The following C20orf203 variants were observed in gnomAD, a reference collection of about 807,000 sequenced individuals.
C20orf203 encodes chromosome 20 open reading frame 203.
Under a neutral mutation model 15.9 loss-of-function variants are expected in C20orf203, and 16 were observed. The observed-to-expected ratio is 1.01, with a 90% CI of 0.68 to 1.53. C20orf203 has a LOEUF of 1.53. Ranked by LOEUF, C20orf203 falls within the 40% of genes most tolerant of loss-of-function variation. C20orf203 has a pLI of 0.00. For synonymous variants in C20orf203, 98 were observed against 97.2 expected (o/e 1.01, Z -0.05); for missense variants, 263 against 247.5 (o/e 1.06, Z -0.42).
rs563991910 is a variant in C20orf203, at chr20:32,637,447, G to A, written c.*1299+3119C>T. Among the ~76,000 whole-genome samples the A allele has an allele frequency of 8.5e-5, 13 of 152,088 alleles. No homozygotes were observed. In the East Asian group the frequency reaches 1.4e-3, roughly 16 times the overall value. On this transcript the variant is annotated intron_variant, in intron 5 of 5. Transcript: ENST00000608990. ...AAGAAAGAAAGAAAGAAAAAGAAAC[G>A]AATGAGTAGACAACGAAACAGTAAT...
At chr20:32,670,494 A>G (rs1179611422) in intron 1 of C20orf203, among the ~76,000 whole-genome samples, 1 of 151,500 alleles carries the variant, frequency 6.6e-6, no homozygotes, top group East Asian at 2.0e-4. Context: ...GTGACAGAGA[A>G]AGACTCCGTC....
chr20:32,641,809 T>C (rs1354498449), intron 4 of C20orf203, among the ~76,000 whole-genome samples: 2 of 152,088 alleles, frequency 1.3e-5, no homozygotes, highest in Non-Finnish European at 2.9e-5. Context: ...TTTTTAAAAT[T>C]GAGTTATTTG....
chr20:32,669,026 T>C (rs1185727835), intron 1 of C20orf203, among the ~76,000 whole-genome samples: 1 of 152,182 alleles, frequency 6.6e-6, no homozygotes, highest in East Asian at 1.9e-4. Context: ...GAAAAGCTCT[T>C]TCTCAAACAC....
chr20:32,672,039 CG>C (rs1983182457), intron 1 of C20orf203, among the ~76,000 whole-genome samples: 1 of 150,110 alleles, frequency 6.7e-6, no homozygotes, highest in African/African-American at 2.5e-5. Context: ...TAAGAGGAGC[CG>C]GGGCAGTGGC....
At chr20:32,654,980 T>C (rs1413987606) in intron 1 of C20orf203, among the ~76,000 whole-genome samples, 1 of 152,052 alleles carries the variant, frequency 6.6e-6, no homozygotes, top group Admixed American at 6.6e-5. Context: ...GAAATATAAA[T>C]AAGAGTCCTG....
intron 1 of C20orf203, among the ~76,000 whole-genome samples, chr20:32,659,836 G>A (rs750164509): frequency 6.6e-5 from 10 of 152,230 alleles, no homozygotes; most frequent in East Asian, 1.9e-4. Flanking sequence ...CCCCACCTCC[G>A]TGGCTGGCAC....
chr20:32,648,608 T>TGTTTTGG (rs1555816316), intron 4 of C20orf203, among the ~76,000 whole-genome samples: 1 of 77,772 alleles, frequency 1.3e-5, no homozygotes, highest in African/African-American at 5.4e-5. Context: ...ATCTGGCTAA[T>TGTTTTGG]TTTTTTTTTT....
At chr20:32,634,357 C>T (rs1982081430) in intron 5 of C20orf203, 87 bp from the exon 6 acceptor site, 3 of 396,992 alleles carry the variant, frequency 7.6e-6, no homozygotes, top group Non-Finnish European at 1.3e-5. Flanking sequence ...CGGTGGAAGA[C>T]AGCGTGAGAC....
chr20:32,636,899 C>A (rs1336093125), intron 5 of C20orf203, among the ~76,000 whole-genome samples: 1 of 152,188 alleles, frequency 6.6e-6, no homozygotes, highest in East Asian at 1.9e-4. Context: ...CAGGCCTGGG[C>A]AAACCAAGAG....
At chr20:32,666,421 C>G (rs574982040) in intron 1 of C20orf203, among the ~76,000 whole-genome samples, 30 of 148,836 alleles carry the variant, frequency 2.0e-4, no homozygotes, top group African/African-American at 6.5e-4. Flanking sequence ...GAGCCAAGAT[C>G]GTGCCACTGC....
intron 1 of C20orf203, among the ~76,000 whole-genome samples, chr20:32,666,155 T>TAAAAAAAAAAAAAAAAAAAAGA (rs1983016463): frequency 9.7e-6 from 1 of 102,776 alleles, no homozygotes; most frequent in African/African-American, 3.7e-5. Flanking sequence ...ATAAATAAAG[T>TAAAAAAAAAAAAAAAAAAAAGA]AAAAAAAAAA....
chr20:32,638,619 G>T (rs1044116293), intron 5 of C20orf203, among the ~76,000 whole-genome samples: 3 of 152,236 alleles, frequency 2.0e-5, no homozygotes, highest in Non-Finnish European at 2.9e-5. Context: ...GGCAGGAGCT[G>T]TGCTTGAATG....
At chr20:32,671,699 C>T (rs779077626) in intron 1 of C20orf203, among the ~76,000 whole-genome samples, 2 of 151,776 alleles carry the variant, frequency 1.3e-5, no homozygotes, top group African/African-American at 4.8e-5. Flanking sequence ...ATTAGCCGGG[C>T]GTGGTGGCGC....
At chr20:32,636,731 C>G (rs1600924603) in intron 5 of C20orf203, among the ~76,000 whole-genome samples, 1 of 152,296 alleles carries the variant, frequency 6.6e-6, no homozygotes, top group East Asian at 1.9e-4. Context: ...CTTCCATGTC[C>G]CTTGCAAACC....
intron 4 of C20orf203, among the ~76,000 whole-genome samples, chr20:32,645,905 C>A (rs1179689892): frequency 6.6e-6 from 1 of 152,214 alleles, no homozygotes; most frequent in East Asian, 1.9e-4. Context: ...AAGTGTTAGA[C>A]TATTAGTGTG....
At chr20:32,635,450 C>T (rs1397551217) in intron 5 of C20orf203, among the ~76,000 whole-genome samples, 3 of 149,628 alleles carry the variant, frequency 2.0e-5, no homozygotes, top group South Asian at 2.1e-4. Context: ...AGGCCAAGAT[C>T]GCACCACTGC....
intron 5 of C20orf203, among the ~76,000 whole-genome samples, chr20:32,638,837 TC>T: frequency 6.6e-6 from 1 of 151,970 alleles, no homozygotes; most frequent in Non-Finnish European, 1.5e-5. Context: ...GCGGGCAGCA[TC>T]CCCTGTCCCA....
intron 1 of C20orf203, among the ~76,000 whole-genome samples, chr20:32,671,840 C>CAAA (rs869043468): frequency 3.3e-4 from 22 of 66,290 alleles, no homozygotes; most frequent in Admixed American, 4.3e-4. Context: ...ACTCTGTCTC[C>CAAA]AAAAAAAAAA....
At chr20:32,646,241 C>A (rs966973538) in intron 4 of C20orf203, among the ~76,000 whole-genome samples, 1 of 146,010 alleles carries the variant, frequency 6.8e-6, no homozygotes, top group South Asian at 2.2e-4. Context: ...CAGAGTCTCG[C>A]TCGATTTTTT....
Sources: gnomAD v4.1 joint callset for allele counts (sites outside exome capture counted in the v4.1 genomes callset) on GRCh38, gnomAD v4.1.1 for gene constraint, MANE v1.5 for transcripts, NCBI Gene and HGNC (gene_info 2026-07-23, HGNC 2026-07-21) for gene names.